MNS1: variants seen among roughly 807,000 people sequenced by gnomAD.
MNS1 encodes the protein meiosis-specific nuclear structural protein 1.
MNS1 carries 63 observed loss-of-function variants against 72.0 expected under a neutral mutation model. That is an observed-to-expected ratio of 0.87 (90% CI 0.71 to 1.08). The LOEUF is 1.08. MNS1 is among the 50% of genes least tolerant of loss of function. The probability of loss-of-function intolerance (pLI) is 0.00; values close to 1 mark genes in which losing one functional copy is unlikely to be tolerated. For missense variants in MNS1, 604 were observed against 562.4 expected, an observed-to-expected ratio of 1.07 and a Z score of -0.75; for synonymous variants, 188 against 172.1, an observed-to-expected ratio of 1.09 and a Z score of -0.72.
At position 56,460,009 on chromosome 15, in the gene MNS1, A is replaced by ATATATATATAT. The variant is rs1555449667; in HGVS notation, c.226-3489_226-3488insATATATATATA. Among the ~76,000 whole-genome samples, 37 of 26,366 alleles carry ATATATATATAT rather than the reference A, an allele frequency of 1.4e-3. 5 individuals are homozygous for ATATATATATAT. The highest frequency in any genetic ancestry group is 2.2e-3 in the Non-Finnish European group (31 of 14,288). 17.3% of individuals were successfully genotyped at this position (26,366 alleles called of 152,430 possible). On this transcript the variant is annotated intron_variant, in intron 2 of 9. Coordinates refer to ENST00000260453, the MANE Select transcript of MNS1 (RefSeq NM_018365.4). The stretch of plus-strand genomic sequence containing the variant: ...CTGTCTCAAAAAAAAAAAAAAAAAA[A>ATATATATATAT]ATACATATATATATATATATATATA...
At chr15:56,438,390 G>C (rs1376807669) in intron 7 of MNS1, among the ~76,000 whole-genome samples, 3 of 152,012 alleles carry the variant, frequency 2.0e-5, no homozygotes, top group Admixed American at 2.0e-4. Flanking sequence ...ACAAGCAATA[G>C]GGAAAGGAGT....
At position 56,434,167 on chromosome 15, in the gene MNS1, C is replaced by G; in HGVS notation, c.1240G>C (p.Glu414Gln). The change falls in exon 8 of 10, where the codon GAG becomes CAG. Residue 414 changes from glutamate (E) to glutamine (Q), a missense_variant. Physicochemically the swap from Glu to Gln is conservative, Grantham distance 29 (BLOSUM62 2). Coordinates refer to ENST00000260453, the MANE Select transcript of MNS1 (RefSeq NM_018365.4). ...HRRAVEKLIE[E>Q]RRQQFLADKQ... Reference sequence around the variant, plus strand: ...TCTGCAAGGAATTGTTGGCGACGCTCTTCAATAAGTTTTTCCACAGCCCTC... The same window carrying G: ...TCTGCAAGGAATTGTTGGCGACGCTGTTCAATAAGTTTTTCCACAGCCCTC... 3 of 1,613,482 alleles carry G rather than the reference C, an allele frequency of 1.9e-6. No individual in the cohort carries two copies. Among genetic ancestry groups the G allele is most frequent in the Admixed American group, 1.7e-5 (1 of 59,934 alleles).
At position 56,459,957 on chromosome 15, in the gene MNS1, T is replaced by C. The variant is rs1462784094; in HGVS notation, c.226-3436A>G. ...GTGAGCCAAAATTGCGCCATTGCACTCCAGCCTGGGCAACAAGAGCGAAAT... is the reference window on the plus strand; with the variant it reads ...GTGAGCCAAAATTGCGCCATTGCACCCCAGCCTGGGCAACAAGAGCGAAAT... On this transcript the variant is annotated intron_variant, in intron 2 of 9. Transcript: ENST00000260453. Among the ~76,000 whole-genome samples, 3 of 115,738 alleles carry C rather than the reference T, an allele frequency of 2.6e-5. No homozygotes were observed. The East Asian group carries it at 8.0e-4, about 31-fold the overall frequency. 75.9% of individuals were successfully genotyped at this position (115,738 alleles called of 152,430 possible).
intron 7 of MNS1, among the ~76,000 whole-genome samples, chr15:56,436,393 G>A (rs2050725473): frequency 6.6e-6 from 1 of 152,128 alleles, no homozygotes. Flanking sequence ...AAATAAAGAT[G>A]TTCTTTGAAA....
At position 56,464,988 on chromosome 15, in the gene MNS1, A is replaced by C. The variant is rs1162156514; in HGVS notation, c.-16T>G. ...GGCTCACCATCTTGGCTGACGAAAA[A>C]TACCCCCTCTCGTGGGACCGCGGCC... On this transcript the variant is annotated 5_prime_UTR_variant, in exon 1 of 10. Coordinates refer to ENST00000260453, the MANE Select transcript of MNS1 (RefSeq NM_018365.4). The C allele has an allele frequency of 6.2e-7, 1 of 1,609,794 alleles. No homozygotes were observed. The highest frequency in any genetic ancestry group is 1.3e-5 in the African/African-American group (1 of 74,724).
chr15:56,443,426 T>G lies in MNS1; in HGVS notation c.1011+4A>C. On this transcript the variant is annotated splice_donor_region_variant and intron_variant, in intron 7 of 9. Transcript: ENST00000260453. ...TAATCATTCTTTCCATTTCTGAAAC[T>G]TACTTTTAGCTTGCTCTTATATATT... The G allele has an allele frequency of 6.4e-7, 1 of 1,552,458 alleles. No individual in the cohort carries two copies.
At chr15:56,457,096 TC>T (rs1322019790) in intron 2 of MNS1, among the ~76,000 whole-genome samples, 1 of 152,196 alleles carries the variant, frequency 6.6e-6, no homozygotes, top group Non-Finnish European at 1.5e-5. Flanking sequence ...TTATTATTTT[TC>T]TTAAGTCTCT....
chr15:56,434,062 A>G, intron 8 of MNS1, 76 bp downstream of exon 8: 2 of 1,445,058 alleles, frequency 1.4e-6, no homozygotes, highest in Non-Finnish European at 1.9e-6. Flanking sequence ...GCTTCTCAGT[A>G]AATGTTTAGT....
chr15:56,439,691 C>G (rs950648421), intron 7 of MNS1, among the ~76,000 whole-genome samples: 6 of 150,530 alleles, frequency 4.0e-5, no homozygotes, highest in African/African-American at 1.5e-4. Flanking sequence ...TAAGTCTCAT[C>G]GTTTGTACCA....
At chr15:56,453,967 C>A (rs1357111415) in intron 3 of MNS1, among the ~76,000 whole-genome samples, 4 of 152,106 alleles carry the variant, frequency 2.6e-5, no homozygotes, top group Admixed American at 6.5e-5. Context: ...AGCACCAGAG[C>A]AGTTCCCTGA....
Position 56,447,085 on chromosome 15 carries a change from T to C in MNS1, c.354-142A>G, listed in dbSNP as rs1449314139. ...ATTTTAGATCCATAGGAGAAATAATTCATTATATTTAATGGATGCCTTTAG... is the reference window on the plus strand; with the variant it reads ...ATTTTAGATCCATAGGAGAAATAATCCATTATATTTAATGGATGCCTTTAG... On this transcript the variant is annotated intron_variant, in intron 3 of 9. Transcript: ENST00000260453. The C allele has an allele frequency of 2.0e-5, 12 of 607,708 alleles. No homozygotes were observed. The East Asian group carries it at 3.2e-4, about 16-fold the overall frequency. 37.6% of individuals were successfully genotyped at this position (607,708 alleles called of 1,614,324 possible).
At chr15:56,431,562 A>G in intron 8 of MNS1, 64 bp from the exon 9 acceptor site, 1 of 1,538,314 alleles carries the variant, frequency 6.5e-7, no homozygotes, top group Non-Finnish European at 8.9e-7. Flanking sequence ...GTTTTCAAAT[A>G]AAACTACTCA....
chr15:56,461,912 A>T (rs1161465151), intron 2 of MNS1, among the ~76,000 whole-genome samples: 1 of 150,914 alleles, frequency 6.6e-6, no homozygotes, highest in Non-Finnish European at 1.5e-5. Flanking sequence ...CTGAAAATTA[A>T]CTGTCTCCTT....
chr15:56,454,962 G>A (rs1421902159), intron 3 of MNS1, among the ~76,000 whole-genome samples: 7 of 152,094 alleles, frequency 4.6e-5, no homozygotes, highest in Admixed American at 3.9e-4. Flanking sequence ...GTAGAACGCT[G>A]TTGAACATAC....
intron 7 of MNS1, among the ~76,000 whole-genome samples, chr15:56,438,642 A>G (rs2050768599): frequency 6.6e-6 from 1 of 152,216 alleles, no homozygotes; most frequent in South Asian, 2.1e-4. Context: ...AAATTGACAA[A>G]TGGGATCTAA....
At chr15:56,463,583 A>G (rs866731005) in intron 2 of MNS1, among the ~76,000 whole-genome samples, 1 of 152,142 alleles carries the variant, frequency 6.6e-6, no homozygotes, top group Non-Finnish European at 1.5e-5. Flanking sequence ...GGAGTTCGAG[A>G]TCAGCCTGGT....
At position 56,429,087 on chromosome 15, in the gene MNS1, C is replaced by T. The variant is rs372484430; in HGVS notation, c.*14G>A. 2.6e-6 allele frequency: 4 copies of T among 1,538,062 alleles called. No homozygotes were observed. The highest frequency in any genetic ancestry group is 2.7e-6 in the Non-Finnish European group (3 of 1,128,946). On this transcript the variant is annotated 3_prime_UTR_variant, in exon 10 of 10. Transcript: ENST00000260453. ...ACATGCAAAAAATCTATGCTTTACCCAATTTTGATGATATCATTTCTCTTC... is the reference window on the plus strand; with the variant it reads ...ACATGCAAAAAATCTATGCTTTACCTAATTTTGATGATATCATTTCTCTTC...
chr15:56,446,783 A>T (rs770734222), intron 4 of MNS1, 58 bp downstream of exon 4: 32 of 1,283,788 alleles, frequency 2.5e-5, no homozygotes, highest in Non-Finnish European at 3.5e-5. Flanking sequence ...TTAAGAAACA[A>T]GTCTAATTTT....
chr15:56,462,247 A>G (rs1324478542), intron 2 of MNS1, among the ~76,000 whole-genome samples: 1 of 152,132 alleles, frequency 6.6e-6, no homozygotes, highest in African/African-American at 2.4e-5. Context: ...CAGTTTTTGT[A>G]ACCACTAATG....
Sources: gnomAD v4.1 joint callset for allele counts (sites outside exome capture counted in the v4.1 genomes callset) on GRCh38, gnomAD v4.1.1 for gene constraint, MANE v1.5 for transcripts, NCBI Gene and HGNC (gene_info 2026-07-23, HGNC 2026-07-21) for gene names.